The following IQCM variants were observed in gnomAD, a reference collection of about 807,000 sequenced individuals.
IQCM encodes the protein IQ domain-containing protein M.
IQCM carries 45 observed loss-of-function variants against 57.6 expected under a neutral mutation model. That is an observed-to-expected ratio of 0.78 (90% CI 0.62 to 1.00). The LOEUF (loss-of-function observed/expected upper bound fraction) is 1.00, where lower values mean the gene tolerates loss of function less well. Among genes scored for constraint, IQCM ranks in the 50% least tolerant of loss-of-function variants. IQCM has a pLI of 0.00. For synonymous variants in IQCM, 148 were observed against 158.9 expected (o/e 0.93, Z 0.51); for missense variants, 468 against 511.6 (o/e 0.91, Z 0.82).
chr4:149,423,313 A>G (rs2086072053), intron 13 of IQCM, among the ~76,000 whole-genome samples: 1 of 152,054 alleles, frequency 6.6e-6, no homozygotes, highest in Non-Finnish European at 1.5e-5. Flanking sequence ...AGATCTCGTG[A>G]GAACTCACAC....
chr4:149,519,416 T>C (rs1028562040), intron 12 of IQCM, among the ~76,000 whole-genome samples: 1 of 151,704 alleles, frequency 6.6e-6, no homozygotes, highest in African/African-American at 2.4e-5. Flanking sequence ...GGTCAGGAAA[T>C]CGAGACCATC....
chr4:149,647,012 T>C (rs1758700946), intron 7 of IQCM, among the ~76,000 whole-genome samples: 1 of 152,164 alleles, frequency 6.6e-6, no homozygotes, highest in Non-Finnish European at 1.5e-5. Context: ...ATTTTTTGTG[T>C]GTGTTCACCT....
chr4:149,722,537 A>G (rs1449388713), intron 5 of IQCM, among the ~76,000 whole-genome samples: 2 of 152,056 alleles, frequency 1.3e-5, no homozygotes, highest in East Asian at 3.9e-4. Flanking sequence ...CCATTTATTG[A>G]ACAGGGTGTC....
chr4:149,471,932 A>G (rs1239395122), intron 12 of IQCM, among the ~76,000 whole-genome samples: 1 of 152,308 alleles, frequency 6.6e-6, no homozygotes, highest in African/African-American at 2.4e-5. Context: ...CCTTCATGCT[A>G]AAGACTCTCA....
chr4:149,619,107 G>GATATATATATATATATATATATATATAT (rs70965194), intron 8 of IQCM, among the ~76,000 whole-genome samples: 14 of 126,786 alleles, frequency 1.1e-4, no homozygotes, highest in South Asian at 2.5e-4. Flanking sequence ...ATGTGGGATG[G>GATATATATATATATATATATATATATAT]ATATATATAT....
intron 2 of IQCM, among the ~76,000 whole-genome samples, chr4:149,758,097 T>C (rs537507465): frequency 6.6e-6 from 1 of 152,286 alleles, no homozygotes; most frequent in South Asian, 2.1e-4. Context: ...ACAGAATGGA[T>C]AGCCCAGAAA....
At chr4:149,429,652 C>T (rs1203867091) in intron 13 of IQCM, among the ~76,000 whole-genome samples, 1 of 151,828 alleles carries the variant, frequency 6.6e-6, no homozygotes, top group Non-Finnish European at 1.5e-5. Context: ...AACAGGAGTA[C>T]CTACATTGTA....
At chr4:149,626,019 G>A (rs921187099) in intron 7 of IQCM, among the ~76,000 whole-genome samples, 3 of 152,050 alleles carry the variant, frequency 2.0e-5, no homozygotes, top group Non-Finnish European at 2.9e-5. Flanking sequence ...TTAATAATGA[G>A]TGTCAACTTG....
chr4:149,535,864 C>A (rs2149864244), intron 12 of IQCM, among the ~76,000 whole-genome samples: 1 of 152,026 alleles, frequency 6.6e-6, no homozygotes, highest in African/African-American at 2.4e-5. Flanking sequence ...CTTTCACTAG[C>A]CATGATGATT....
chr4:149,765,827 C>T (rs912847583), intron 2 of IQCM, among the ~76,000 whole-genome samples: 8 of 151,944 alleles, frequency 5.3e-5, no homozygotes, highest in East Asian at 3.9e-4. Context: ...ATTCTAGCAA[C>T]GGACTGAAAC....
intron 2 of IQCM, among the ~76,000 whole-genome samples, 172 bp downstream of exon 2, chr4:149,815,139 T>C (rs2150074988): frequency 6.6e-6 from 1 of 152,066 alleles, no homozygotes; most frequent in Non-Finnish European, 1.5e-5. Flanking sequence ...CATTTAGCCT[T>C]TAAAAGGAAA....
intron 8 of IQCM, among the ~76,000 whole-genome samples, chr4:149,593,984 G>C (rs1295669718): frequency 6.6e-6 from 1 of 152,104 alleles, no homozygotes; most frequent in Non-Finnish European, 1.5e-5. Flanking sequence ...AATGAGTTAG[G>C]GAGGATTCCC....
At chr4:149,480,167 G>C (rs778704635) in intron 12 of IQCM, among the ~76,000 whole-genome samples, 3 of 151,886 alleles carry the variant, frequency 2.0e-5, no homozygotes, top group Non-Finnish European at 4.4e-5. Context: ...ATTTTTTTTA[G>C]TTTTTTTCTT....
At chr4:149,636,066 G>A (rs960522153) in intron 7 of IQCM, among the ~76,000 whole-genome samples, 1 of 152,066 alleles carries the variant, frequency 6.6e-6, no homozygotes, top group Admixed American at 6.6e-5. Flanking sequence ...CATAAAAAAA[G>A]ATCTTTCCCA....
chr4:149,666,918 C>T (rs1173688279), intron 7 of IQCM, among the ~76,000 whole-genome samples: 1 of 152,148 alleles, frequency 6.6e-6, no homozygotes, highest in East Asian at 1.9e-4. Flanking sequence ...AGAAAGGCAG[C>T]AGCACCAGTC....
chr4:149,515,931 G>A (rs1463416143), intron 12 of IQCM, among the ~76,000 whole-genome samples: 1 of 152,144 alleles, frequency 6.6e-6, no homozygotes, highest in Non-Finnish European at 1.5e-5. Context: ...CAGAATAGAG[G>A]ATTTTAATAA....
intron 5 of IQCM, among the ~76,000 whole-genome samples, chr4:149,729,665 G>A (rs1176527495): frequency 6.6e-6 from 1 of 151,992 alleles, no homozygotes; most frequent in South Asian, 2.1e-4. Flanking sequence ...AGCAGAGACA[G>A]GGTTTCACCA....
At chr4:149,606,486 G>T (rs1451667156) in intron 8 of IQCM, among the ~76,000 whole-genome samples, 2 of 151,996 alleles carry the variant, frequency 1.3e-5, no homozygotes, top group African/African-American at 4.8e-5. Flanking sequence ...TACCTAATTC[G>T]TCAATGCACA....
intron 7 of IQCM, among the ~76,000 whole-genome samples, chr4:149,679,943 T>C (rs1385801743): frequency 6.6e-6 from 1 of 151,402 alleles, no homozygotes; most frequent in Admixed American, 6.6e-5. Context: ...AGACACAAAG[T>C]GTGGACCACT....
Sources: allele counts gnomAD v4.1 joint callset (sites outside exome capture counted in the v4.1 genomes callset), GRCh38; gene constraint gnomAD v4.1.1; transcripts MANE v1.5; gene names NCBI Gene and HGNC (gene_info 2026-07-23, HGNC 2026-07-21).